GRM5: variants seen among roughly 807,000 people sequenced by gnomAD.
GRM5 encodes metabotropic glutamate receptor 5.
A neutral mutation model predicts 83.1 loss-of-function variants in GRM5; 19 were observed. The observed-to-expected ratio is 0.23, with a 90% confidence interval of 0.16 to 0.34. GRM5 has a LOEUF of 0.34. Among genes scored for constraint, GRM5 ranks in the 10% least tolerant of loss-of-function variants. The pLI, the probability that GRM5 is intolerant of heterozygous loss-of-function variation, is 1.00. For missense variants in GRM5, 1,160 were observed against 1,588.3 expected, an observed-to-expected ratio of 0.73 and a Z score of 4.58; for synonymous variants, 675 against 633.6, an observed-to-expected ratio of 1.07 and a Z score of -0.98.
At chr11:88,978,367 T>C (rs1939406068) in intron 2 of GRM5, among the ~76,000 whole-genome samples, 1 of 151,934 alleles carries the variant, frequency 6.6e-6, no homozygotes, top group African/African-American at 2.4e-5. Flanking sequence ...CCATTAATTA[T>C]GTACAGCAGG....
chr11:88,591,986 A>C lies in GRM5; in HGVS notation c.1564-1259T>G, dbSNP rs563475869. 3.5e-3 allele frequency among the ~76,000 whole-genome samples: 539 copies of C among 152,302 alleles called. 3 individuals carry two copies. The highest frequency in any genetic ancestry group is 6.5e-3 in the Non-Finnish European group (445 of 68,028). On this transcript the variant is annotated intron_variant, in intron 6 of 9. Coordinates refer to ENST00000305447, the MANE Select transcript of GRM5 (RefSeq NM_001143831.3). ...TTTCTTAGGGGAGAAAACTAAGGTAAAGTTAGCTCACATAGCATGTTAGGG... is the reference window on the plus strand; with the variant it reads ...TTTCTTAGGGGAGAAAACTAAGGTACAGTTAGCTCACATAGCATGTTAGGG...
At chr11:88,875,104 T>A (rs1944829853) in intron 2 of GRM5, among the ~76,000 whole-genome samples, 1 of 150,520 alleles carries the variant, frequency 6.6e-6, no homozygotes, top group Non-Finnish European at 1.5e-5. Flanking sequence ...TCATGAAAGA[T>A]TTCTTGGTAG....
At chr11:88,593,003 A>G (rs181319783) in intron 6 of GRM5, among the ~76,000 whole-genome samples, 9 of 152,108 alleles carry the variant, frequency 5.9e-5, no homozygotes, top group African/African-American at 1.7e-4. Flanking sequence ...TTTTTTTTGA[A>G]GAGATGGGGT....
chr11:88,664,096 A>G (rs964082113), intron 3 of GRM5, among the ~76,000 whole-genome samples: 6 of 152,194 alleles, frequency 3.9e-5, no homozygotes, highest in African/African-American at 1.2e-4. Context: ...AGTGCTGCAT[A>G]TGAGGAATAA....
chr11:89,054,054 G>C (rs1941820051), intron 1 of GRM5, among the ~76,000 whole-genome samples: 1 of 152,182 alleles, frequency 6.6e-6, no homozygotes, highest in Admixed American at 6.5e-5. Context: ...ACGTTTTTCT[G>C]AGAGGATTCC....
At chr11:88,917,851 G>A (rs1311267296) in intron 2 of GRM5, among the ~76,000 whole-genome samples, 2 of 151,952 alleles carry the variant, frequency 1.3e-5, no homozygotes. Flanking sequence ...GCATGAAAAG[G>A]GAAAATCTAA....
intron 3 of GRM5, among the ~76,000 whole-genome samples, chr11:88,671,286 C>T (rs1221945023): frequency 6.6e-6 from 1 of 151,954 alleles, no homozygotes; most frequent in African/African-American, 2.4e-5. Flanking sequence ...TAAACTTCTC[C>T]ACATACACAA....
intron 3 of GRM5, among the ~76,000 whole-genome samples, chr11:88,831,056 G>A (rs905889716): frequency 6.6e-6 from 1 of 151,990 alleles, no homozygotes; most frequent in Admixed American, 6.6e-5. Context: ...TTCAAGATGA[G>A]TTCTGAGTGG....
intron 7 of GRM5, among the ~76,000 whole-genome samples, chr11:88,584,097 G>A (rs1169851538): frequency 6.6e-6 from 1 of 151,458 alleles, no homozygotes; most frequent in Non-Finnish European, 1.5e-5. Context: ...CAAATAGTAT[G>A]GAATCATTTA....
In GRM5 at chr11:88,629,835, T is replaced by C. The variant is rs144693049; in HGVS notation, c.1147+23333A>G. Among the ~76,000 whole-genome samples the C allele has an allele frequency of 1.2e-3, 176 of 152,338 alleles. 1 individual carries two copies. The highest frequency in any genetic ancestry group is 4.0e-3 in the African/African-American group (166 of 41,568). On this transcript the variant is annotated intron_variant, in intron 4 of 9. Transcript: ENST00000305447. ...AAAAAGGCCAGTTCAAGTCCTGTCT[T>C]TGTCTAAGTCCTCTAGTGGCTTCAT...
intron 3 of GRM5, among the ~76,000 whole-genome samples, chr11:88,819,140 T>C (rs1399702762): frequency 2.0e-5 from 3 of 152,186 alleles, no homozygotes. Flanking sequence ...GCAGTCCTAA[T>C]AGAGTGGAAA....
At chr11:88,937,327 T>C (rs1590978753) in intron 2 of GRM5, among the ~76,000 whole-genome samples, 1 of 151,750 alleles carries the variant, frequency 6.6e-6, no homozygotes. Context: ...GAAAAACTTA[T>C]AGTTTGAGAA....
chr11:88,843,938 G>A (rs1944252867), intron 3 of GRM5, among the ~76,000 whole-genome samples: 2 of 152,312 alleles, frequency 1.3e-5, no homozygotes, highest in Middle Eastern at 3.4e-3. Context: ...GATGTGTAAA[G>A]CTAGCAGAGG....
intron 3 of GRM5, among the ~76,000 whole-genome samples, chr11:88,810,471 A>T (rs1043158478): frequency 2.0e-5 from 3 of 152,114 alleles, no homozygotes; most frequent in African/African-American, 7.2e-5. Context: ...GTAAATGCTC[A>T]TATATAAGAT....
intron 8 of GRM5, among the ~76,000 whole-genome samples, chr11:88,559,975 G>T (rs761330509): frequency 3.3e-5 from 5 of 152,134 alleles, no homozygotes; most frequent in African/African-American, 1.2e-4. Flanking sequence ...TATCTAAGAT[G>T]AGTATGAGTT....
At chr11:88,774,467 C>A (rs1229441447) in intron 3 of GRM5, among the ~76,000 whole-genome samples, 5 of 152,266 alleles carry the variant, frequency 3.3e-5, no homozygotes, top group Middle Eastern at 3.4e-3. Context: ...ATTGCCCTGG[C>A]CAGAACTTCC....
chr11:88,618,680 C>T (rs1206065936), intron 4 of GRM5, among the ~76,000 whole-genome samples: 1 of 150,862 alleles, frequency 6.6e-6, no homozygotes, highest in African/African-American at 2.4e-5. Context: ...GGAGTTTCAT[C>T]TTCTTAGGCA....
chr11:88,881,026 T>G (rs536015712), intron 2 of GRM5, among the ~76,000 whole-genome samples: 1 of 152,204 alleles, frequency 6.6e-6, no homozygotes, highest in Non-Finnish European at 1.5e-5. Context: ...TAACATTGTA[T>G]ATTACAGAAG....
At position 88,509,024 on chromosome 11, in the gene GRM5, C is replaced by T. The variant is rs200501462; in HGVS notation, c.3207G>A (p.Thr1069=). ...TGGAGTTGAGCTCGCTGATGTTGGC[C>T]GTGAAGCGGGTGACCACACTGCTGA... ...EQISSVVTRF[T]ANISELNSMM... The change falls in exon 10 of 10, where the codon ACG becomes ACA. Residue 1069 remains threonine, a synonymous_variant. Transcript: ENST00000305447. 62 of 1,568,422 alleles carry T rather than the reference C, an allele frequency of 4.0e-5. No homozygotes were observed. Among genetic ancestry groups the T allele is most frequent in the Non-Finnish European group, 5.2e-5 (60 of 1,156,208 alleles).
Sources: gnomAD v4.1 joint callset for allele counts (sites outside exome capture counted in the v4.1 genomes callset) on GRCh38, gnomAD v4.1.1 for gene constraint, MANE v1.5 for transcripts, NCBI Gene and HGNC (gene_info 2026-07-23, HGNC 2026-07-21) for gene names.